SNX13: variants seen among roughly 807,000 people sequenced by gnomAD.
SNX13 encodes sorting nexin-13.
Under a neutral mutation model 133.6 loss-of-function variants are expected in SNX13, and 45 were observed. That is an observed-to-expected ratio of 0.34 (90% CI 0.27 to 0.43). SNX13 has a LOEUF of 0.43. Ranked by LOEUF, SNX13 falls within the 20% of genes least tolerant of loss-of-function variation. The pLI is 1.00. For synonymous variants in SNX13, 414 were observed against 373.9 expected, an observed-to-expected ratio of 1.11 and a Z score of -1.24; for missense variants, 1,032 against 1,145.1, an observed-to-expected ratio of 0.90 and a Z score of 1.43.
intron 1 of SNX13, chr7:17,907,235 C>A (rs1165068932): frequency 6.6e-6 from 1 of 152,154 alleles, no homozygotes; most frequent in Non-Finnish European, 1.5e-5. Context: ...TGACTTATAA[C>A]CTCTATTACT....
intron 11 of SNX13, among the ~76,000 whole-genome samples, chr7:17,847,241 A>G (rs940722771): frequency 1.3e-5 from 2 of 152,172 alleles, no homozygotes; most frequent in Admixed American, 1.3e-4. Context: ...AGGTGCACAC[A>G]CACACACACA....
At chr7:17,865,097 C>T (rs1244588308) in intron 9 of SNX13, among the ~76,000 whole-genome samples, 1 of 152,072 alleles carries the variant, frequency 6.6e-6, no homozygotes, top group East Asian at 1.9e-4. Flanking sequence ...TACTAGAAAT[C>T]CTAAAGGGAG....
chr7:17,839,246 ATATAT>A (rs1789574435), intron 13 of SNX13, among the ~76,000 whole-genome samples: 1 of 149,854 alleles, frequency 6.7e-6, no homozygotes, highest in Non-Finnish European at 1.5e-5. Flanking sequence ...AGTATAGTAT[ATATAT>A]TATTCTACAG....
chr7:17,916,732 T>C (rs142643933), intron 1 of SNX13, among the ~76,000 whole-genome samples: 69 of 149,254 alleles, frequency 4.6e-4, no homozygotes, highest in Admixed American at 3.9e-3. Flanking sequence ...CTACCAGATA[T>C]ACAAAGAAGA....
chr7:17,809,479 A>G (rs1163966994), intron 20 of SNX13, among the ~76,000 whole-genome samples: 13 of 152,016 alleles, frequency 8.6e-5, no homozygotes, highest in Non-Finnish European at 1.5e-5. Flanking sequence ...TCATACAGCA[A>G]GAGACCTACA....
intron 12 of SNX13, among the ~76,000 whole-genome samples, chr7:17,843,633 CA>C (rs1370933358): frequency 6.6e-6 from 1 of 152,014 alleles, no homozygotes; most frequent in East Asian, 1.9e-4. Flanking sequence ...CTCAGGTACA[CA>C]TGGAATATTT....
chr7:17,859,957 A>G (rs780228343), intron 9 of SNX13, among the ~76,000 whole-genome samples: 7 of 152,300 alleles, frequency 4.6e-5, no homozygotes, highest in Non-Finnish European at 7.4e-5. Context: ...TACTGCAATC[A>G]TGATTACACA....
chr7:17,928,127 T>C (rs1350801384), intron 1 of SNX13, among the ~76,000 whole-genome samples: 2 of 152,328 alleles, frequency 1.3e-5, no homozygotes, highest in East Asian at 1.9e-4. Flanking sequence ...AGATCCTCAA[T>C]GCATGGTATT....
intron 5 of SNX13, among the ~76,000 whole-genome samples, chr7:17,887,471 G>T (rs942934660): frequency 6.6e-6 from 1 of 152,124 alleles, no homozygotes; most frequent in East Asian, 1.9e-4. Context: ...CCCCAAGCTG[G>T]TACTGGAATA....
At chr7:17,936,158 A>G (rs1801998962) in intron 1 of SNX13, among the ~76,000 whole-genome samples, 1 of 152,216 alleles carries the variant, frequency 6.6e-6, no homozygotes. Flanking sequence ...ATCTTCTTTG[A>G]AAATAAATCA....
chr7:17,884,710 T>C (rs1161297515), intron 5 of SNX13, among the ~76,000 whole-genome samples: 1 of 152,174 alleles, frequency 6.6e-6, no homozygotes, highest in Non-Finnish European at 1.5e-5. Flanking sequence ...ACCATCTATC[T>C]GTAGAACAAA....
chr7:17,834,786 T>G lies in SNX13; in HGVS notation c.1439A>C (p.Glu480Ala). ...CTTTCTTTGAATGTCATCAAAGATTTCAGGGGTTGGATCTTCATGATTCAA... is the reference window on the plus strand; with the variant it reads ...CTTTCTTTGAATGTCATCAAAGATTGCAGGGGTTGGATCTTCATGATTCAA... The part of the protein sequence containing the change: ...DTLNHEDPTP[E>A]IFDDIQRKVY... Residue 480 changes from glutamate to alanine, a missense_variant, in exon 14 of 26, where the codon GAA becomes GCA. Coordinates refer to ENST00000428135, the MANE Select transcript of SNX13 (RefSeq NM_015132.5). The G allele has an allele frequency of 6.2e-7, 1 of 1,608,160 alleles. No individual in the cohort carries two copies. The highest frequency in any genetic ancestry group is 8.5e-7 in the Non-Finnish European group (1 of 1,175,778).
intron 5 of SNX13, among the ~76,000 whole-genome samples, chr7:17,886,877 C>T (rs1796058092): frequency 6.6e-6 from 1 of 151,628 alleles, no homozygotes; most frequent in South Asian, 2.1e-4. Context: ...TCTATCGCTA[C>T]ATGACAAACC....
chr7:17,897,517 A>G, intron 1 of SNX13, 71 bp from the exon 2 acceptor site: 2 of 856,220 alleles, frequency 2.3e-6, no homozygotes, highest in Non-Finnish European at 3.5e-6. Flanking sequence ...AACCAACAAA[A>G]CTTTTACATA....
At chr7:17,818,658 C>CA (rs1295622270) in intron 18 of SNX13, among the ~76,000 whole-genome samples, 3 of 151,838 alleles carry the variant, frequency 2.0e-5, no homozygotes, top group Non-Finnish European at 4.4e-5. Flanking sequence ...CAAAATTCAG[C>CA]AAAAAAGAAC....
In SNX13 at chr7:17,791,854, A is replaced by G. The variant is rs1382699502; in HGVS notation, c.*2191T>C. On this transcript the variant is annotated 3_prime_UTR_variant, in exon 26 of 26. Coordinates refer to ENST00000428135, the MANE Select transcript of SNX13 (RefSeq NM_015132.5). Reference sequence around the variant, plus strand: ...TCTGATGTAAAAGACAGATGTGCATAGAGAAGGTGCACCACCATTTACAAA... The same window carrying G: ...TCTGATGTAAAAGACAGATGTGCATGGAGAAGGTGCACCACCATTTACAAA... 6.6e-6 allele frequency: 1 copy of G among 152,096 alleles called. No individual in the cohort carries two copies. Among genetic ancestry groups the G allele is most frequent in the Non-Finnish European group, 1.5e-5 (1 of 67,970 alleles). The allele number at this position is 152,096 out of a possible 1,614,324, so 9.4% of individuals were successfully genotyped here. A position where few individuals can be genotyped will look rare whatever the true frequency, so the allele number is the denominator to read the frequency against.
chr7:17,928,288 A>C (rs577157315), intron 1 of SNX13, among the ~76,000 whole-genome samples: 1 of 152,300 alleles, frequency 6.6e-6, no homozygotes, highest in South Asian at 2.1e-4. Flanking sequence ...TGGGCCCAGG[A>C]GTTTGATTCC....
intron 20 of SNX13, among the ~76,000 whole-genome samples, chr7:17,813,973 A>G (rs887831165): frequency 2.6e-5 from 4 of 152,186 alleles, no homozygotes; most frequent in African/African-American, 4.8e-5. Context: ...GGGACAAAGA[A>G]TAGTGAGAAA....
At position 17,939,988 on chromosome 7, in the gene SNX13, G is replaced by A. The variant is rs180793278; in HGVS notation, c.12+296C>T. ...CACAGAGTAGCGTGTAAGGGGACAC[G>A]AAGAAGGGAGCGATGAGTTAGAAGG... On this transcript the variant is annotated intron_variant, in intron 1 of 25. Transcript: ENST00000428135. 2.2e-3 allele frequency among the ~76,000 whole-genome samples: 328 copies of A among 152,318 alleles called. 1 individual carries two copies. The highest frequency in any genetic ancestry group is 7.1e-3 in the African/African-American group (297 of 41,570).
Sources: gnomAD v4.1 joint callset for allele counts (sites outside exome capture counted in the v4.1 genomes callset) on GRCh38, gnomAD v4.1.1 for gene constraint, MANE v1.5 for transcripts, NCBI Gene and HGNC (gene_info 2026-07-23, HGNC 2026-07-21) for gene names.